The following SPINT4 variants were observed in gnomAD, a reference collection of about 807,000 sequenced individuals.
SPINT4 encodes the protein kunitz-type protease inhibitor 4.
A neutral mutation model predicts 9.4 loss-of-function variants in SPINT4; 7 were observed. The observed-to-expected ratio is 0.74, with a 90% CI of 0.42 to 1.40. The LOEUF (loss-of-function observed/expected upper bound fraction) is 1.40, where lower values mean the gene tolerates loss of function less well. Among genes scored for constraint, SPINT4 ranks in the 40% most tolerant of loss-of-function variants. The pLI is 0.01. For missense variants in SPINT4, 105 were observed against 114.4 expected, an observed-to-expected ratio of 0.92 and a Z score of 0.37; for synonymous variants, 36 against 39.9, an observed-to-expected ratio of 0.90 and a Z score of 0.37.
At position 45,722,495 on chromosome 20, in the gene SPINT4, G is replaced by A; in HGVS notation, c.115+13G>A. On this transcript the variant is annotated intron_variant, in intron 1 of 2. Transcript: ENST00000279058. ...GGAGACCTCAAAGGTATGAAGCTAA[G>A]GCAGAAAATAAATCCAAAGGTCAAT... 1 of 1,566,252 alleles carries A rather than the reference G, an allele frequency of 6.4e-7. No individual in the cohort carries two copies.
intron 1 of SPINT4, among the ~76,000 whole-genome samples, chr20:45,722,775 C>T (rs1314977847): frequency 2.0e-5 from 3 of 152,014 alleles, no homozygotes; most frequent in African/African-American, 7.2e-5. Context: ...TTTCAAAGAT[C>T]CCAGACCATT....
rs1036561044 is a variant in SPINT4 at position 45,722,481 on chromosome 20, A to C, written c.114A>C (p.Lys38Asn). ...CGGAGAAGATATGTGGAGACCTCAA[A>C]GGTATGAAGCTAAGGCAGAAAATAA... ...KIAEKICGDL[K>N]DPCKLDMNFG... The change falls in exon 1 of 3, where the codon AAA (lysine) becomes AAC (asparagine). Residue 38 changes from lysine to asparagine, a missense_variant and splice_region_variant. Physicochemically the swap from Lys to Asn is moderately conservative, Grantham distance 94 (BLOSUM62 0). Coordinates refer to ENST00000279058, the MANE Select transcript of SPINT4 (RefSeq NM_178455.3). The C allele has an allele frequency of 4.4e-6, 7 of 1,597,436 alleles. No individual in the cohort carries two copies. The African/African-American group carries it at 6.7e-5, about 15-fold the overall frequency.
chr20:45,725,021 T>TATATATATATATATATATATACAC (rs1984912741), intron 2 of SPINT4, among the ~76,000 whole-genome samples: 1 of 97,346 alleles, frequency 1.0e-5, no homozygotes, highest in Non-Finnish European at 2.0e-5. Flanking sequence ...TATATATATA[T>TATATATATATATATATATATACAC]ATATATCAAT....
In SPINT4 at chr20:45,724,182, A is replaced by G. The variant is rs1000264752; in HGVS notation, c.293+125A>G. The G allele has an allele frequency of 1.5e-5, 16 of 1,084,734 alleles. No homozygotes were observed. In the African/African-American group the frequency reaches 2.7e-4, roughly 18 times the overall value. The allele number at this position is 1,084,734 out of a possible 1,614,324, so 67.2% of individuals were successfully genotyped here. A position where few individuals can be genotyped will look rare whatever the true frequency, so the allele number is the denominator to read the frequency against. On this transcript the variant is annotated intron_variant, in intron 2 of 2. Coordinates refer to ENST00000279058, the MANE Select transcript of SPINT4 (RefSeq NM_178455.3). Reference sequence around the variant, plus strand: ...GAGTGGGAAGAGGGAGGATTGCTCAAATAAGAAGTTTTAACAGTTGGGTTG... The same window carrying G: ...GAGTGGGAAGAGGGAGGATTGCTCAGATAAGAAGTTTTAACAGTTGGGTTG...
At chr20:45,724,710 G>A (rs1224382277) in intron 2 of SPINT4, among the ~76,000 whole-genome samples, 1 of 150,838 alleles carries the variant, frequency 6.6e-6, no homozygotes, top group Admixed American at 6.6e-5. Flanking sequence ...GCCAGGCGTG[G>A]TGGCTCACGC....
chr20:45,725,025 T>TAC (rs1984913413), intron 2 of SPINT4, among the ~76,000 whole-genome samples: 1 of 114,356 alleles, frequency 8.7e-6, no homozygotes, highest in African/African-American at 3.7e-5. Context: ...TATATATATA[T>TAC]ATCAATAGAT....
At chr20:45,724,096 T>TA (rs1182099479) in intron 2 of SPINT4, 39 bp downstream of exon 2, 3 of 1,563,792 alleles carry the variant, frequency 1.9e-6, no homozygotes, top group East Asian at 2.3e-5. Context: ...TTGGGGGTAG[T>TA]AAAAGAAGAG....
Position 45,722,408 on chromosome 20 carries a change from T to C in SPINT4, c.41T>C (p.Ile14Thr). ...CTGGGATTTCTTCTAAGATTCTTCA[T>C]CTTCTGCTCATTGAATACCCTGTTA... ...AKLGFLLRFF[I>T]FCSLNTLLLG... Residue 14 changes from isoleucine to threonine, a missense_variant, in exon 1 of 3, where the codon ATC becomes ACC. Physicochemically the swap from Ile to Thr is moderately conservative, Grantham distance 89. Transcript: ENST00000279058. 6.2e-7 allele frequency: 1 copy of C among 1,613,800 alleles called. No homozygotes were observed. Among genetic ancestry groups the C allele is most frequent in the South Asian group, 1.1e-5 (1 of 91,082 alleles).
In SPINT4 at chr20:45,724,075, G is replaced by C. The variant is rs1984868012; in HGVS notation, c.293+18G>C. 6.3e-7 allele frequency: 1 copy of C among 1,587,478 alleles called. No individual in the cohort carries two copies. Among genetic ancestry groups the C allele is most frequent in the South Asian group, 1.2e-5 (1 of 85,650 alleles). Reference sequence around the variant, plus strand: ...AAACCACCGTAAGGAATCTAATCCTGTCCTTGGTCCTTGGGGGTAGTAAAA... The same window carrying C: ...AAACCACCGTAAGGAATCTAATCCTCTCCTTGGTCCTTGGGGGTAGTAAAA... On this transcript the variant is annotated intron_variant, in intron 2 of 2. Coordinates refer to ENST00000279058, the MANE Select transcript of SPINT4 (RefSeq NM_178455.3).
In SPINT4 at chr20:45,722,413, T is replaced by C; in HGVS notation, c.46T>C (p.Cys16Arg). Residue 16 changes from cysteine to arginine, a missense_variant, in exon 1 of 3, where the codon TGC becomes CGC. By Grantham distance (180) the Cys-to-Arg change is radical. Transcript: ENST00000279058. ...ATTTCTTCTAAGATTCTTCATCTTCTGCTCATTGAATACCCTGTTATTGGG... is the reference window on the plus strand; with the variant it reads ...ATTTCTTCTAAGATTCTTCATCTTCCGCTCATTGAATACCCTGTTATTGGG... ...LGFLLRFFIFCSLNTLLLGGV... is the reference protein window; with the variant it reads ...LGFLLRFFIFRSLNTLLLGGV... 6.2e-7 allele frequency: 1 copy of C among 1,613,882 alleles called. No homozygotes were observed. The highest frequency in any genetic ancestry group is 2.2e-5 in the East Asian group (1 of 44,888).
intron 2 of SPINT4, among the ~76,000 whole-genome samples, chr20:45,724,746 C>T (rs545099203): frequency 3.4e-5 from 5 of 149,026 alleles, no homozygotes; most frequent in African/African-American, 9.9e-5. Context: ...TTTGAGAGGC[C>T]GAGGTGGGCG....
At chr20:45,724,995 A>ATATATAT (rs1555808982) in intron 2 of SPINT4, among the ~76,000 whole-genome samples, 6 of 36,428 alleles carry the variant, frequency 1.6e-4, no homozygotes, top group Non-Finnish European at 2.6e-4. Context: ...AAAAAAAAAA[A>ATATATAT]ATATATATAT....
chr20:45,724,742 A>G (rs1275407896), intron 2 of SPINT4, among the ~76,000 whole-genome samples: 1 of 150,470 alleles, frequency 6.6e-6, no homozygotes, highest in African/African-American at 2.4e-5. Flanking sequence ...GTACTTTGAG[A>G]GGCCGAGGTG....
Position 45,725,737 on chromosome 20 carries a change from T to C in SPINT4, c.*102T>C. 2 of 1,456,158 alleles carry C rather than the reference T, an allele frequency of 1.4e-6. No homozygotes were observed. Among genetic ancestry groups the C allele is most frequent in the Non-Finnish European group, 1.9e-6 (2 of 1,038,638 alleles). The allele number at this position is 1,456,158 out of a possible 1,614,324, so 90.2% of individuals were successfully genotyped here. On this transcript the variant is annotated 3_prime_UTR_variant, in exon 3 of 3. Transcript: ENST00000279058. The stretch of plus-strand genomic sequence containing the variant: ...TCTTTGTAATATTTCCATAATGCTT[T>C]AAGCTTCCATATGTTTGCTATTTTC...
chr20:45,725,516 T>G (rs1391836540), intron 2 of SPINT4, 113 bp from the exon 3 acceptor site: 1 of 1,057,444 alleles, frequency 9.5e-7, no homozygotes, highest in Non-Finnish European at 1.5e-6. Flanking sequence ...AACATTGAGA[T>G]AGAAGGCATC....
At chr20:45,722,701 G>C (rs937036648) in intron 1 of SPINT4, among the ~76,000 whole-genome samples, 1 of 152,094 alleles carries the variant, frequency 6.6e-6, no homozygotes, top group Admixed American at 6.5e-5. Context: ...TTTCCAGATG[G>C]AGACCTCTTT....
At chr20:45,724,995 A>AAAAAAAAAAAAAAAAAATAT (rs1387842262) in intron 2 of SPINT4, among the ~76,000 whole-genome samples, 1 of 36,428 alleles carries the variant, frequency 2.7e-5, no homozygotes, top group African/African-American at 1.9e-4. Flanking sequence ...AAAAAAAAAA[A>AAAAAAAAAAAAAAAAAATAT]ATATATATAT....
intron 2 of SPINT4, among the ~76,000 whole-genome samples, chr20:45,724,995 A>AAAAAAAAT (rs1387842262): frequency 2.7e-5 from 1 of 36,430 alleles, no homozygotes; most frequent in African/African-American, 1.9e-4. Context: ...AAAAAAAAAA[A>AAAAAAAAT]ATATATATAT....
In SPINT4 at chr20:45,725,803, T is replaced by C. The variant is rs1978373108; in HGVS notation, c.*168T>C. The C allele has an allele frequency of 1.2e-6, 1 of 806,350 alleles. No homozygotes were observed. The highest frequency in any genetic ancestry group is 2.0e-6 in the Non-Finnish European group (1 of 490,630). The allele number at this position is 806,350 out of a possible 1,614,324, so 49.9% of individuals were successfully genotyped here. A position where few individuals can be genotyped will look rare whatever the true frequency, so the allele number is the denominator to read the frequency against. Reference sequence around the variant, plus strand: ...TCTTTCCTGGAAATTAACTGTATGATCATTAGAATGAAAGAGTCTTTCTGT... The same window carrying C: ...TCTTTCCTGGAAATTAACTGTATGACCATTAGAATGAAAGAGTCTTTCTGT... On this transcript the variant is annotated 3_prime_UTR_variant, in exon 3 of 3. Coordinates refer to ENST00000279058, the MANE Select transcript of SPINT4 (RefSeq NM_178455.3).
Sources: allele counts gnomAD v4.1 joint callset (sites outside exome capture counted in the v4.1 genomes callset), GRCh38; gene constraint gnomAD v4.1.1; transcripts MANE v1.5; gene names NCBI Gene and HGNC (gene_info 2026-07-23, HGNC 2026-07-21).